The following FYB2 variants were observed in gnomAD, a reference collection of about 807,000 sequenced individuals.
The protein encoded by FYB2 is FYN binding protein 2.
A neutral mutation model predicts 94.1 loss-of-function variants in FYB2; 103 were observed. The observed-to-expected ratio is 1.09, with a 90% CI of 0.93 to 1.29. The LOEUF (loss-of-function observed/expected upper bound fraction) is 1.29, where lower values mean the gene tolerates loss of function less well. Ranked by LOEUF, FYB2 falls within the 50% of genes most tolerant of loss-of-function variation. The pLI is 0.00. For synonymous variants in FYB2, 293 were observed against 287.9 expected (o/e 1.02, Z -0.18); for missense variants, 896 against 841.5 (o/e 1.06, Z -0.80).
At chr1:56,757,687 C>CTTCCTTCCTTCCTTCCTTCTTTCT (rs1293394860) in intron 6 of FYB2, among the ~76,000 whole-genome samples, 5 of 71,952 alleles carry the variant, frequency 6.9e-5, no homozygotes, top group South Asian at 5.9e-4. Flanking sequence ...TCCTTCCTTC[C>CTTCCTTCCTTCCTTCCTTCTTTCT]TTCTTTCTTT....
intron 14 of FYB2, chr1:56,737,373 G>T: frequency 2.5e-6 from 1 of 401,526 alleles, no homozygotes; most frequent in Non-Finnish European, 4.4e-6. Flanking sequence ...TGATGTCCCA[G>T]TATCTCAAAA....
intron 1 of FYB2, among the ~76,000 whole-genome samples, chr1:56,809,571 AT>A (rs547775248): frequency 1.3e-5 from 2 of 152,096 alleles, no homozygotes; most frequent in Non-Finnish European, 2.9e-5. Flanking sequence ...TCTGAAAAAT[AT>A]TTGTTTTACT....
intron 8 of FYB2, 84 bp from the exon 9 acceptor site, chr1:56,751,287 T>A: frequency 7.7e-7 from 1 of 1,295,342 alleles, no homozygotes; most frequent in Non-Finnish European, 1.1e-6. Context: ...TTTTCATTCA[T>A]TCCTCATGGA....
At chr1:56,812,299 T>G (rs1646785174) in intron 1 of FYB2, among the ~76,000 whole-genome samples, 1 of 152,160 alleles carries the variant, frequency 6.6e-6, no homozygotes, top group South Asian at 2.1e-4. Flanking sequence ...GTTTAAAGAT[T>G]TTTTTAAAAA....
At chr1:56,797,936 A>G (rs1245250606) in intron 1 of FYB2, among the ~76,000 whole-genome samples, 1 of 152,116 alleles carries the variant, frequency 6.6e-6, no homozygotes, top group Non-Finnish European at 1.5e-5. Context: ...TTTGTATTTC[A>G]GTATTTGCCC....
upstream of FYB2, chr1:56,819,461 T>C (rs1232222924): frequency 1.1e-6 from 1 of 940,816 alleles, no homozygotes; most frequent in East Asian, 2.6e-5. Context: ...GGCTCCTCCC[T>C]TGCCTGGGGC....
chr1:56,738,697 A>C, intron 13 of FYB2, 44 bp from the exon 14 acceptor site: 1 of 1,589,972 alleles, frequency 6.3e-7, no homozygotes, highest in East Asian at 2.2e-5. Context: ...GAAAAAAACC[A>C]TGTTTGGAAA....
rs780506343 is a variant in FYB2 at position 56,792,077 on chromosome 1, C to G, written c.736G>C (p.Glu246Gln). ...SSPCQPIYEC[E>Q]LASQAPEKQP... ...TTACCTGGGGCCTGACTGGCAAGCT[C>G]ACACTCATAGATGGGCTGGCAGGGG... is the stretch of plus-strand genomic sequence containing the variant. Residue 246 changes from glutamate (E) to glutamine (Q), a missense_variant, in exon 2 of 20, where the codon GAG becomes CAG. By Grantham distance (29) the Glu-to-Gln change is conservative. Transcript: ENST00000343433. 3.8e-6 allele frequency: 6 copies of G among 1,598,378 alleles called. No individual in the cohort carries two copies. Among genetic ancestry groups the G allele is most frequent in the African/African-American group, 1.3e-5 (1 of 74,076 alleles).
At chr1:56,735,514 A>G (rs1644810466) in intron 15 of FYB2, among the ~76,000 whole-genome samples, 1 of 152,098 alleles carries the variant, frequency 6.6e-6, no homozygotes, top group African/African-American at 2.4e-5. Flanking sequence ...AGATATGAGG[A>G]ATATGTTCTA....
At chr1:56,752,374 T>G (rs973115220) in intron 8 of FYB2, among the ~76,000 whole-genome samples, 1 of 152,004 alleles carries the variant, frequency 6.6e-6, no homozygotes, top group Non-Finnish European at 1.5e-5. Context: ...AATTGTCCAA[T>G]GAGAGAAAGG....
chr1:56,731,287 G>T (rs920536158), intron 15 of FYB2, among the ~76,000 whole-genome samples: 1 of 152,060 alleles, frequency 6.6e-6, no homozygotes, highest in Non-Finnish European at 1.5e-5. Context: ...ACTCAATAGC[G>T]TGGACAAGTT....
chr1:56,787,203 C>A lies in FYB2; in HGVS notation c.925G>T (p.Val309Leu). The A allele has an allele frequency of 6.2e-7, 1 of 1,613,974 alleles. No individual in the cohort carries two copies. Among genetic ancestry groups the A allele is most frequent in the Non-Finnish European group, 8.5e-7 (1 of 1,179,874 alleles). Reference sequence around the variant, plus strand: ...TCTGGAGACAGGGAGCCCTCTTCCACAGTCACTGCAAGAGAAAGAGGCGGA... The same window carrying A: ...TCTGGAGACAGGGAGCCCTCTTCCAAAGTCACTGCAAGAGAAAGAGGCGGA... ...AVPKTQGEVT[V>L]EEGSLSPERL... The change falls in exon 4 of 20, where the codon GTG becomes TTG. Residue 309 changes from valine to leucine, a missense_variant. Physicochemically the swap from Val to Leu is conservative, Grantham distance 32. Transcript: ENST00000343433.
At chr1:56,748,247 T>C (rs1462707053) in intron 9 of FYB2, among the ~76,000 whole-genome samples, 1 of 152,170 alleles carries the variant, frequency 6.6e-6, no homozygotes, top group Admixed American at 6.5e-5. Context: ...GCTCTTTAGT[T>C]TAATTAGATC....
At chr1:56,801,633 C>A (rs181823598) in intron 1 of FYB2, among the ~76,000 whole-genome samples, 1 of 152,304 alleles carries the variant, frequency 6.6e-6, no homozygotes, top group Admixed American at 6.5e-5. Context: ...AAGTACCCTA[C>A]TCCTGGACAC....
At chr1:56,813,014 G>A (rs540667144) in intron 1 of FYB2, among the ~76,000 whole-genome samples, 2 of 152,296 alleles carry the variant, frequency 1.3e-5, no homozygotes, top group South Asian at 4.1e-4. Context: ...TCTGAGGGTT[G>A]TTGGGGAAGG....
chr1:56,790,590 A>G (rs1209285654), intron 2 of FYB2, among the ~76,000 whole-genome samples: 1 of 152,152 alleles, frequency 6.6e-6, no homozygotes, highest in Admixed American at 6.5e-5. Context: ...CCCTTCATCA[A>G]TAACTATTTA....
Position 56,787,371 on chromosome 1 carries a change from G to A in FYB2, c.920-163C>T, listed in dbSNP as rs13374089. Among the ~76,000 whole-genome samples the A allele has an allele frequency of 4.3e-3, 652 of 152,326 alleles. 2 individuals are homozygous for A. Among genetic ancestry groups the A allele is most frequent in the African/African-American group, 0.015 (616 of 41,562 alleles). On this transcript the variant is annotated intron_variant, in intron 3 of 19. Coordinates refer to ENST00000343433, the MANE Select transcript of FYB2 (RefSeq NM_001004303.5). ...CCACCCCAGCACCCAGGGGATGCCT[G>A]TCCCTGCATTGCAGCACTCACCCAC...
At chr1:56,775,776 G>A (rs561884545) in intron 4 of FYB2, among the ~76,000 whole-genome samples, 7 of 152,154 alleles carry the variant, frequency 4.6e-5, no homozygotes, top group Non-Finnish European at 7.3e-5. Context: ...GGTCATCAGA[G>A]TATACAGCAA....
intron 1 of FYB2, among the ~76,000 whole-genome samples, chr1:56,808,501 C>T (rs1046561162): frequency 6.6e-6 from 1 of 152,182 alleles, no homozygotes; most frequent in Non-Finnish European, 1.5e-5. Context: ...CAAAGCCAGA[C>T]CTTCTTGTGA....
Sources: gnomAD v4.1 joint callset for allele counts (sites outside exome capture counted in the v4.1 genomes callset) on GRCh38, gnomAD v4.1.1 for gene constraint, MANE v1.5 for transcripts, NCBI Gene and HGNC (gene_info 2026-07-23, HGNC 2026-07-21) for gene names.